Variants in ANK2 observed in about 807,000 individuals in gnomAD.
ANK2 encodes ankyrin 2.
Under a neutral mutation model 360.5 loss-of-function variants are expected in ANK2, and 83 were observed. That is an observed-to-expected ratio of 0.23 (90% CI 0.19 to 0.28). The LOEUF is 0.28. ANK2 is among the 10% of genes least tolerant of loss of function. The pLI is 1.00. For missense variants in ANK2, 4,201 were observed against 4,795.7 expected, an observed-to-expected ratio of 0.88 and a Z score of 3.66; for synonymous variants, 1,740 against 1,759.5, an observed-to-expected ratio of 0.99 and a Z score of 0.28.
chr4:113,325,146 C>G (rs1006964691), intron 26 of ANK2, among the ~76,000 whole-genome samples: 1 of 152,122 alleles, frequency 6.6e-6, no homozygotes, highest in East Asian at 1.9e-4. Context: ...GTAAGAGATG[C>G]AATTAAAGCT....
chr4:113,369,404 C>A, intron 42 of ANK2, 110 bp from the exon 43 acceptor site: 1 of 1,115,424 alleles, frequency 9.0e-7, no homozygotes, highest in Non-Finnish European at 1.3e-6. Context: ...ACTATTTTGA[C>A]TGTCATAGAC....
Position 113,347,113 on chromosome 4 carries a change from T to C in ANK2, c.4371+1091T>C, listed in dbSNP as rs1279749576. 2.0e-5 allele frequency among the ~76,000 whole-genome samples: 3 copies of C among 152,180 alleles called. No individual in the cohort carries two copies. In the East Asian group the frequency reaches 5.8e-4, roughly 29 times the overall value. ...GACATCACAAAACAAAAAAGTCCTATACTTCTTTTTCCCCACCACAGTTGT... is the reference window on the plus strand; with the variant it reads ...GACATCACAAAACAAAAAAGTCCTACACTTCTTTTTCCCCACCACAGTTGT... On this transcript the variant is annotated intron_variant, in intron 35 of 45. Coordinates refer to ENST00000357077, the MANE Select transcript of ANK2 (RefSeq NM_001148.6).
intron 23 of ANK2, among the ~76,000 whole-genome samples, chr4:113,305,335 G>A (rs1177283162): frequency 4.4e-5 from 2 of 44,958 alleles, no homozygotes; most frequent in Non-Finnish European, 7.5e-5. Context: ...GCGAGACTCC[G>A]TCTCAAAAAA....
Position 113,059,994 on chromosome 4 carries a change from CA to C in ANK2, c.84+10183del, listed in dbSNP as rs767118898. ...CTGACACAGCAAAGCAGAGTACTGC[CA>C]GATGTGTGCACACCCAACTACGTTA... On this transcript the variant is annotated intron_variant, in intron 1 of 45. Coordinates refer to ENST00000357077, the MANE Select transcript of ANK2 (RefSeq NM_001148.6). Among the ~76,000 whole-genome samples the C allele has an allele frequency of 8.2e-3, 1,241 of 152,194 alleles. 10 individuals carry two copies. The highest frequency in any genetic ancestry group is 0.017 in the South Asian group (81 of 4,824).
chr4:112,752,947 T>C, the ANK2 span, among the ~76,000 whole-genome samples: 1 of 152,178 alleles, frequency 6.6e-6, no homozygotes, highest in African/African-American at 2.4e-5. Flanking sequence ...ACTACAAGTG[T>C]GAACCTTTGC....
intron 1 of ANK2, among the ~76,000 whole-genome samples, chr4:113,101,603 C>T (rs2092843411): frequency 1.3e-5 from 2 of 152,056 alleles, no homozygotes; most frequent in Non-Finnish European, 2.9e-5. Flanking sequence ...GCTCATATAA[C>T]ACGTCAGTTA....
At position 113,318,590 on chromosome 4, in the gene ANK2, T is replaced by C. The variant is rs573354722; in HGVS notation, c.2870T>C (p.Val957Ala). The change falls in exon 26 of 46, where the codon GTG (valine) becomes GCG (alanine). Residue 957 changes from valine to alanine, a missense_variant. By Grantham distance (64) the Val-to-Ala change is moderately conservative. This residue lies in a region of ANK2 where 1,268 missense variants were observed against 1,650.8 expected (regional missense o/e 0.77). Transcript: ENST00000357077. ...TGGGGCACTGAGAACTTAGACAACG[T>C]GGCTCTTTCTTCTAGTCCTATTCAT... ...LSWGTENLDN[V>A]ALSSSPIHSG... The C allele has an allele frequency of 2.5e-6, 4 of 1,613,526 alleles. No individual in the cohort carries two copies. The Admixed American group carries it at 5.0e-5, about 20-fold the overall frequency.
At chr4:112,928,685 G>A (rs1305075203) in intron 2 of ANK2, among the ~76,000 whole-genome samples, 1 of 152,090 alleles carries the variant, frequency 6.6e-6, no homozygotes, top group Admixed American at 6.6e-5. Flanking sequence ...ACACACACAT[G>A]TGTGTAAGAA....
the ANK2 span, among the ~76,000 whole-genome samples, chr4:112,740,851 G>A: frequency 2.0e-5 from 3 of 152,086 alleles, no homozygotes; most frequent in Non-Finnish European, 2.9e-5. Flanking sequence ...TGAGCCGGGC[G>A]TGGTCGTGGG....
intron 1 of ANK2, among the ~76,000 whole-genome samples, chr4:113,064,783 A>G (rs1312835959): frequency 8.0e-6 from 1 of 124,692 alleles, no homozygotes; most frequent in Admixed American, 8.1e-5. Flanking sequence ...TTCTAACAAA[A>G]ATGTTAGAAA....
chr4:113,353,781 T>A lies in ANK2; in HGVS notation c.5163T>A (p.Ala1721=). 6.2e-7 allele frequency: 1 copy of A among 1,613,978 alleles called. No homozygotes were observed. Residue 1721 remains alanine, a synonymous_variant, in exon 38 of 46, where the codon GCT becomes GCA. Coordinates refer to ENST00000357077, the MANE Select transcript of ANK2 (RefSeq NM_001148.6). ...KQKQKEEGLQ[A]SAEKAELKKG... ...AACAAAAAGAGGAAGGTTTACAAGC[T>A]AGTGCAGAGAAAGCTGAACTTAAAA... is the stretch of plus-strand genomic sequence containing the variant.
At chr4:113,265,133 C>CA in intron 14 of ANK2, 138 bp downstream of exon 14, 4 of 811,032 alleles carry the variant, frequency 4.9e-6, no homozygotes, top group Admixed American at 2.6e-5. Context: ...AGCAGTTTTC[C>CA]AGAAAAAAAA....
At chr4:112,750,315 C>T in the ANK2 span, among the ~76,000 whole-genome samples, 3 of 152,016 alleles carry the variant, frequency 2.0e-5, no homozygotes, top group East Asian at 1.9e-4. Context: ...GAGCCAAGAT[C>T]GCCCCGCTGC....
Position 113,021,539 on chromosome 4 carries a change from A to AC in ANK2, c.21+117025_21+117026insC, listed in dbSNP as rs34948422. On this transcript the variant is annotated intron_variant, in intron 2 of 30. Transcript: ENST00000503271. Reference sequence around the variant, plus strand: ...ATATACACACACACACCCACACACAAACATATATATATATATATATATATA... The same window carrying AC: ...ATATACACACACACACCCACACACAACACATATATATATATATATATATATA... Among the ~76,000 whole-genome samples the AC allele has an allele frequency of 5.0e-3, 542 of 108,672 alleles. 32 individuals carry two copies. The highest frequency in any genetic ancestry group is 0.014 in the Middle Eastern group (3 of 210). 71.3% of individuals were successfully genotyped at this position (108,672 alleles called of 152,430 possible). A position where few individuals can be genotyped will look rare whatever the true frequency, so the allele number is the denominator to read the frequency against.
intron 1 of ANK2, among the ~76,000 whole-genome samples, chr4:113,150,793 A>C (rs2097042227): frequency 6.6e-6 from 1 of 152,196 alleles, no homozygotes; most frequent in African/African-American, 2.4e-5. Context: ...TCTACTGGAC[A>C]TTTGTGGAAC....
chr4:112,991,913 A>G (rs2046969294), intron 2 of ANK2, among the ~76,000 whole-genome samples: 1 of 151,182 alleles, frequency 6.6e-6, no homozygotes, highest in African/African-American at 2.4e-5. Flanking sequence ...TATGTTCCTC[A>G]TTTCCATTTG....
chr4:113,215,768 C>T (rs1487226462), intron 4 of ANK2, among the ~76,000 whole-genome samples: 1 of 151,734 alleles, frequency 6.6e-6, no homozygotes, highest in African/African-American at 2.4e-5. Context: ...GCTTTCTTAA[C>T]TTTTGGTAGT....
chr4:113,281,824 C>T (rs1369316667), intron 17 of ANK2, among the ~76,000 whole-genome samples: 2 of 152,140 alleles, frequency 1.3e-5, no homozygotes, highest in African/African-American at 4.8e-5. Context: ...TCCACAAACT[C>T]CCGCCCGAAA....
chr4:113,170,930 G>A (rs974012054), intron 1 of ANK2, among the ~76,000 whole-genome samples: 10 of 152,168 alleles, frequency 6.6e-5, no homozygotes, highest in Admixed American at 2.0e-4. Flanking sequence ...CTTGTCCAGA[G>A]TTTGACTATG....
Sources: allele counts gnomAD v4.1 joint callset (sites outside exome capture counted in the v4.1 genomes callset), GRCh38; gene constraint gnomAD v4.1.1; regional missense constraint gnomAD v4.1.1; transcripts MANE v1.5; gene names NCBI Gene and HGNC (gene_info 2026-07-23, HGNC 2026-07-21).